DACH2: variants seen among roughly 807,000 people sequenced by gnomAD.
The protein encoded by DACH2 is dachshund family transcription factor 2.
Under a neutral mutation model 35.8 loss-of-function variants are expected in DACH2, and 17 were observed. The observed-to-expected ratio is 0.48, with a 90% CI of 0.33 to 0.71. The LOEUF (loss-of-function observed/expected upper bound fraction) is 0.71, where lower values mean the gene tolerates loss of function less well. DACH2 is among the 30% of genes least tolerant of loss of function. The probability of loss-of-function intolerance (pLI) is 0.02; values close to 1 mark genes in which losing one functional copy is unlikely to be tolerated. For synonymous variants in DACH2, 195 were observed against 177.3 expected, an observed-to-expected ratio of 1.10 and a Z score of -0.79; for missense variants, 469 against 472.7, an observed-to-expected ratio of 0.99 and a Z score of 0.07.
rs1170746943 is a variant in DACH2 at position 86,495,802 on chromosome X, G to GA, written c.528-18465dup. Among the ~76,000 whole-genome samples the GA allele has an allele frequency of 5.1e-3, 463 of 90,986 alleles. 3 individuals carry two copies. Among genetic ancestry groups the GA allele is most frequent in the African/African-American group, 0.015 (368 of 25,284 alleles). 79.0% of individuals were successfully genotyped at this position (90,986 alleles called of 115,157 possible). ...ATCATACCGCTGCACTCTAGCTTAG[G>GA]AAAAAAAAAAAAGAAAGAAAATAAA... On this transcript the variant is annotated intron_variant, in intron 2 of 11. Coordinates refer to ENST00000373125, the MANE Select transcript of DACH2 (RefSeq NM_053281.3).
At chrX:86,185,605 G>T (rs1175628732) in intron 1 of DACH2, among the ~76,000 whole-genome samples, 1 of 111,299 alleles carries the variant, frequency 9.0e-6, no homozygotes, top group African/African-American at 3.3e-5. Context: ...TGCTGGTAGT[G>T]ATTTTTCTGT....
chrX:86,553,977 T>A (rs2039084178), intron 3 of DACH2, among the ~76,000 whole-genome samples: 1 of 111,668 alleles, frequency 9.0e-6, no homozygotes, highest in African/African-American at 3.3e-5. Context: ...TTTTTTTGCT[T>A]GACAATGTGC....
intron 7 of DACH2, among the ~76,000 whole-genome samples, chrX:86,800,739 G>A (rs982172147): frequency 1.9e-4 from 21 of 111,375 alleles, no homozygotes; most frequent in African/African-American, 6.2e-4. Context: ...GTGTGATATC[G>A]GCACACTGCA....
At chrX:86,644,891 C>T (rs909586965) in intron 3 of DACH2, among the ~76,000 whole-genome samples, 5 of 110,699 alleles carry the variant, frequency 4.5e-5, no homozygotes, top group Non-Finnish European at 5.7e-5. Context: ...GGACCCCTTC[C>T]TTAAAGCATA....
intron 2 of DACH2, among the ~76,000 whole-genome samples, chrX:86,465,415 C>T (rs1381558459): frequency 1.8e-5 from 2 of 111,864 alleles, no homozygotes; most frequent in Non-Finnish European, 3.8e-5. Context: ...TTTGACATTC[C>T]TAAGTAGTGG....
At chrX:86,768,209 G>A (rs5968988) in intron 7 of DACH2, among the ~76,000 whole-genome samples, 2,813 of 111,496 alleles carry the variant, frequency 0.025, 93 homozygotes, top group African/African-American at 0.087. Context: ...TGTGTTTTCT[G>A]TGAAAATTGG....
intron 7 of DACH2, among the ~76,000 whole-genome samples, chrX:86,744,734 T>C (rs1459968818): frequency 8.9e-6 from 1 of 111,813 alleles, no homozygotes; most frequent in East Asian, 2.8e-4. Context: ...GTGATTTTAG[T>C]TTTGAATCAA....
intron 4 of DACH2, among the ~76,000 whole-genome samples, chrX:86,660,287 C>T (rs897137224): frequency 1.8e-5 from 2 of 110,490 alleles, no homozygotes; most frequent in African/African-American, 3.3e-5. Flanking sequence ...GGCTGTCATT[C>T]TGTCACAGGA....
At chrX:86,777,320 C>T (rs1316477866) in intron 7 of DACH2, among the ~76,000 whole-genome samples, 5 of 111,239 alleles carry the variant, frequency 4.5e-5, no homozygotes, top group African/African-American at 1.6e-4. Context: ...TTTTGATTTG[C>T]ATTTCTCTGA....
chrX:86,483,611 C>A, intron 2 of DACH2, among the ~76,000 whole-genome samples: 1 of 110,641 alleles, frequency 9.0e-6, no homozygotes, highest in Middle Eastern at 4.6e-3. Context: ...CTCAAGTGAT[C>A]CACTTGAGCC....
chrX:86,422,768 T>G (rs1292385883), intron 2 of DACH2, among the ~76,000 whole-genome samples: 1 of 110,851 alleles, frequency 9.0e-6, no homozygotes, highest in East Asian at 2.9e-4. Context: ...TCTTATTCAT[T>G]TATTCTATTT....
intron 9 of DACH2, among the ~76,000 whole-genome samples, chrX:86,813,692 G>C (rs2042418494): frequency 9.2e-6 from 1 of 108,718 alleles, no homozygotes; most frequent in Non-Finnish European, 1.9e-5. Flanking sequence ...TGAAACCTTG[G>C]AGGTCACTTA....
intron 3 of DACH2, among the ~76,000 whole-genome samples, chrX:86,563,827 G>A (rs1043165118): frequency 1.8e-5 from 2 of 110,954 alleles, no homozygotes; most frequent in Non-Finnish European, 3.8e-5. Context: ...CATAATGTGC[G>A]ATTATTGGTT....
At chrX:86,795,879 T>C (rs1466349862) in intron 7 of DACH2, among the ~76,000 whole-genome samples, 1 of 89,153 alleles carries the variant, frequency 1.1e-5, no homozygotes, top group Non-Finnish European at 2.5e-5. Context: ...GGTGGGTTCG[T>C]GGTCTTGCTG....
At chrX:86,643,869 G>T (rs1029966707) in intron 3 of DACH2, among the ~76,000 whole-genome samples, 2 of 111,347 alleles carry the variant, frequency 1.8e-5, no homozygotes, top group Non-Finnish European at 3.8e-5. Flanking sequence ...AAAACCAAAT[G>T]ATTATCTCTA....
intron 2 of DACH2, among the ~76,000 whole-genome samples, chrX:86,498,217 T>TA (rs397896971): frequency 7.2e-5 from 8 of 111,447 alleles, no homozygotes; most frequent in African/African-American, 2.3e-4. Context: ...TCTTTTTTTT[T>TA]AAAAGAAGTA....
rs368431050 is a variant in DACH2 at position 86,771,309 on chromosome X, TA to T, written c.1240+31434del. ...GTTTAACTGCATTACTTCTTACTGC[TA>T]AAAAAATGTAAAATATATAAATAGA... On this transcript the variant is annotated intron_variant, in intron 7 of 11. Coordinates refer to ENST00000373125, the MANE Select transcript of DACH2 (RefSeq NM_053281.3). Among the ~76,000 whole-genome samples the T allele has an allele frequency of 2.8e-3, 310 of 112,675 alleles. 1 individual carries two copies. Among genetic ancestry groups the T allele is most frequent in the African/African-American group, 9.3e-3 (289 of 31,134 alleles).
chrX:86,556,795 T>TATATAG (rs1232719385), intron 3 of DACH2, among the ~76,000 whole-genome samples: 36 of 25,275 alleles, frequency 1.4e-3, no homozygotes, highest in East Asian at 3.5e-3. Flanking sequence ...TATATATATA[T>TATATAG]AGAGAGAGAG....
At chrX:86,478,542 CTTTT>C (rs767463672) in intron 2 of DACH2, among the ~76,000 whole-genome samples, 1 of 86,946 alleles carries the variant, frequency 1.2e-5, no homozygotes, top group Non-Finnish European at 2.3e-5. Context: ...TTTTGTTTTT[CTTTT>C]TTTTTTTTTT....
Sources: gnomAD v4.1 joint callset for allele counts (sites outside exome capture counted in the v4.1 genomes callset) on GRCh38, gnomAD v4.1.1 for gene constraint, MANE v1.5 for transcripts, NCBI Gene and HGNC (gene_info 2026-07-23, HGNC 2026-07-21) for gene names.